Variants in GRIP1 observed in about 807,000 individuals in gnomAD.
GRIP1 encodes glutamate receptor-interacting protein 1.
A neutral mutation model predicts 129.9 loss-of-function variants in GRIP1; 45 were observed. The ratio of observed to expected loss-of-function variants is 0.35; its 90% CI spans 0.27 to 0.44. The LOEUF (loss-of-function observed/expected upper bound fraction) is 0.44, where lower values mean the gene tolerates loss of function less well. Ranked by LOEUF, GRIP1 falls within the 20% of genes least tolerant of loss-of-function variation. The pLI is 1.00. For missense variants in GRIP1, 1,196 were observed against 1,396.8 expected, an observed-to-expected ratio of 0.86 and a Z score of 2.29; for synonymous variants, 530 against 520.8, an observed-to-expected ratio of 1.02 and a Z score of -0.24.
At chr12:66,592,722 T>C (rs1423370811) in intron 2 of GRIP1, among the ~76,000 whole-genome samples, 3 of 152,184 alleles carry the variant, frequency 2.0e-5, no homozygotes, top group Non-Finnish European at 4.4e-5. Context: ...CATTATTAAA[T>C]GCCTCATCTC....
At chr12:66,559,828 A>C (rs752605595) in intron 2 of GRIP1, among the ~76,000 whole-genome samples, 121 of 152,134 alleles carry the variant, frequency 8.0e-4, no homozygotes, top group Admixed American at 2.0e-4. Flanking sequence ...CAATCCTAAA[A>C]TTTATATGGA....
At chr12:66,944,356 A>G (rs1378681463) in intron 1 of GRIP1, among the ~76,000 whole-genome samples, 2 of 152,214 alleles carry the variant, frequency 1.3e-5, no homozygotes, top group African/African-American at 4.8e-5. Flanking sequence ...CAAAAAGTCT[A>G]TCTTTTCAGT....
intron 2 of GRIP1, among the ~76,000 whole-genome samples, chr12:66,577,435 T>G (rs564548801): frequency 2.0e-4 from 30 of 152,324 alleles, no homozygotes; most frequent in African/African-American, 7.2e-4. Context: ...GTGTATGTGA[T>G]GCACGCACAT....
chr12:66,492,628 C>T (rs557663047), intron 7 of GRIP1, among the ~76,000 whole-genome samples: 1 of 152,100 alleles, frequency 6.6e-6, no homozygotes, highest in Non-Finnish European at 1.5e-5. Flanking sequence ...ATAAAATTTC[C>T]AATTTCCAAT....
chr12:66,563,545 G>A (rs1592556663), intron 2 of GRIP1: 1 of 161,334 alleles, frequency 6.2e-6, no homozygotes, highest in East Asian at 1.8e-4. Context: ...TGCTGCAACT[G>A]AAGCAAAACA....
intron 1 of GRIP1, among the ~76,000 whole-genome samples, chr12:66,788,559 A>C (rs900536740): frequency 6.6e-6 from 1 of 152,060 alleles, no homozygotes; most frequent in Non-Finnish European, 1.5e-5. Flanking sequence ...AATTTAAAAA[A>C]AAAAACTGTG....
At chr12:66,917,452 T>G (rs180891479) in intron 1 of GRIP1, among the ~76,000 whole-genome samples, 40 of 152,342 alleles carry the variant, frequency 2.6e-4, no homozygotes, top group African/African-American at 8.4e-4. Flanking sequence ...GAGCATCTAT[T>G]CTTAATTGTT....
At chr12:66,895,086 T>C (rs1263870999) in intron 1 of GRIP1, among the ~76,000 whole-genome samples, 1 of 152,170 alleles carries the variant, frequency 6.6e-6, no homozygotes, top group Non-Finnish European at 1.5e-5. Flanking sequence ...TCAGCCTCTG[T>C]TACCATGAAC....
rs542461174 is a variant in GRIP1, at chr12:66,399,536, A to G, written c.1985-5184T>C. Among the ~76,000 whole-genome samples, 3 of 152,106 alleles carry G rather than the reference A, an allele frequency of 2.0e-5. No homozygotes were observed. The South Asian group carries it at 6.2e-4, about 32-fold the overall frequency. On this transcript the variant is annotated intron_variant, in intron 16 of 24. Transcript: ENST00000359742. ...TATTATAAACAACTTTTATATCCCA[A>G]CAGAAGGTTTACAACGATTAGTGAA...
chr12:66,634,133 G>A (rs910472529), intron 1 of GRIP1, among the ~76,000 whole-genome samples: 5 of 152,194 alleles, frequency 3.3e-5, no homozygotes, highest in Non-Finnish European at 5.9e-5. Context: ...ACAATCACCT[G>A]TCACATTTAA....
intron 19 of GRIP1, among the ~76,000 whole-genome samples, chr12:66,386,118 A>G (rs2056347000): frequency 6.6e-6 from 1 of 152,222 alleles, no homozygotes; most frequent in South Asian, 2.1e-4. Flanking sequence ...CAAGTGGAAA[A>G]CAGCAAAGTA....
intron 1 of GRIP1, among the ~76,000 whole-genome samples, chr12:66,677,713 T>A (rs886450795): frequency 3.3e-5 from 5 of 152,318 alleles, no homozygotes; most frequent in Middle Eastern, 3.4e-3. Context: ...CAGTATTTAT[T>A]CTCTTTCCTG....
At chr12:66,443,107 A>G (rs1194149964) in intron 13 of GRIP1, among the ~76,000 whole-genome samples, 1 of 152,138 alleles carries the variant, frequency 6.6e-6, no homozygotes, top group African/African-American at 2.4e-5. Context: ...TTAAATGGGA[A>G]CTAGCACCAA....
intron 1 of GRIP1, among the ~76,000 whole-genome samples, chr12:66,697,967 C>T (rs2035222218): frequency 6.6e-6 from 1 of 152,124 alleles, no homozygotes; most frequent in Non-Finnish European, 1.5e-5. Flanking sequence ...CTAGATTTCT[C>T]TGTATTCTAC....
At chr12:66,495,529 C>T (rs1313314180) in intron 7 of GRIP1, among the ~76,000 whole-genome samples, 1 of 152,114 alleles carries the variant, frequency 6.6e-6, no homozygotes, top group Non-Finnish European at 1.5e-5. Flanking sequence ...ACATGTGGAG[C>T]ATGTAGACTG....
intron 7 of GRIP1, among the ~76,000 whole-genome samples, chr12:66,507,869 G>T (rs1320021020): frequency 6.6e-6 from 1 of 151,932 alleles, no homozygotes; most frequent in African/African-American, 2.4e-5. Flanking sequence ...CTCCTGACCT[G>T]AAACAATCCT....
intron 1 of GRIP1, among the ~76,000 whole-genome samples, chr12:66,614,151 C>T (rs1359657282): frequency 6.6e-6 from 1 of 151,962 alleles, no homozygotes; most frequent in Non-Finnish European, 1.5e-5. Flanking sequence ...ATTCAGCCCC[C>T]TTCTTTTATT....
chr12:66,732,038 C>T (rs35521990), intron 1 of GRIP1, among the ~76,000 whole-genome samples: 17,108 of 152,204 alleles, frequency 0.11, 1,180 homozygotes, highest in East Asian at 0.16. Context: ...ATCCAAATGC[C>T]TCTATATCAA....
At chr12:66,589,997 A>AT (rs901353150) in intron 2 of GRIP1, among the ~76,000 whole-genome samples, 3 of 151,446 alleles carry the variant, frequency 2.0e-5, no homozygotes, top group Non-Finnish European at 2.9e-5. Context: ...GAGAGAATTA[A>AT]TTTTTTTTTC....
Sources: allele counts gnomAD v4.1 joint callset (sites outside exome capture counted in the v4.1 genomes callset), GRCh38; gene constraint gnomAD v4.1.1; transcripts MANE v1.5; gene names NCBI Gene and HGNC (gene_info 2026-07-23, HGNC 2026-07-21).